The following KCNMB2 variants were observed in gnomAD, a reference collection of about 807,000 sequenced individuals.
The protein encoded by KCNMB2 is calcium-activated potassium channel subunit beta-2.
Under a neutral mutation model 24.5 loss-of-function variants are expected in KCNMB2, and 9 were observed. The ratio of observed to expected loss-of-function variants is 0.37; its 90% confidence interval spans 0.22 to 0.64. The LOEUF is 0.64. Among genes scored for constraint, KCNMB2 ranks in the 30% least tolerant of loss-of-function variants. The pLI, the probability that KCNMB2 is intolerant of heterozygous loss-of-function variation, is 0.63. For missense variants in KCNMB2, 226 were observed against 284.3 expected (o/e 0.79, Z 1.47); for synonymous variants, 109 against 104.4 (o/e 1.04, Z -0.27).
intron 1 of KCNMB2, among the ~76,000 whole-genome samples, chr3:178,603,232 A>G (rs2108509562): frequency 6.6e-6 from 1 of 152,314 alleles, no homozygotes; most frequent in East Asian, 1.9e-4. Flanking sequence ...AGAATGTAAT[A>G]ATCAAGTGTA....
At chr3:178,563,611 G>C (rs1325316555) in intron 1 of KCNMB2, among the ~76,000 whole-genome samples, 1 of 152,160 alleles carries the variant, frequency 6.6e-6, no homozygotes, top group Non-Finnish European at 1.5e-5. Flanking sequence ...ACTCATCCCT[G>C]CTTTGAGATG....
intron 1 of KCNMB2, among the ~76,000 whole-genome samples, chr3:178,669,160 T>C (rs1327698469): frequency 6.6e-6 from 1 of 152,080 alleles, no homozygotes; most frequent in Admixed American, 6.6e-5. Flanking sequence ...GTAAATCACA[T>C]GGGCTCATAG....
At chr3:178,667,519 C>T (rs536593009) in intron 1 of KCNMB2, among the ~76,000 whole-genome samples, 4 of 152,172 alleles carry the variant, frequency 2.6e-5, no homozygotes, top group East Asian at 1.9e-4. Flanking sequence ...CCTCTACAAC[C>T]GTGAGAAATC....
At chr3:178,726,997 C>T (rs969620996) in intron 1 of KCNMB2, among the ~76,000 whole-genome samples, 29 of 152,156 alleles carry the variant, frequency 1.9e-4, no homozygotes, top group African/African-American at 6.7e-4. Flanking sequence ...AACAAACAAA[C>T]AACAAACTCT....
intron 1 of KCNMB2, among the ~76,000 whole-genome samples, chr3:178,581,842 G>A (rs1185729773): frequency 2.6e-5 from 4 of 152,182 alleles, no homozygotes; most frequent in Admixed American, 6.5e-5. Context: ...AGTTAGAATG[G>A]CAATCATTAA....
chr3:178,674,868 A>G (rs1055881441), intron 1 of KCNMB2, among the ~76,000 whole-genome samples: 9 of 152,292 alleles, frequency 5.9e-5, no homozygotes, highest in African/African-American at 1.9e-4. Flanking sequence ...CAAACTGGAC[A>G]TTGTTCCAGA....
chr3:178,698,665 G>A lies in KCNMB2; in HGVS notation c.-67-108678G>A, dbSNP rs552195814. 1.3e-4 allele frequency among the ~76,000 whole-genome samples: 20 copies of A among 152,320 alleles called. 1 individual carries two copies. In the South Asian group the frequency reaches 4.1e-3, roughly 32 times the overall value. ...TCAGAACCCTTGCCAAAGCAGTGAT[G>A]CAGTTGTTTGGATGAAAGAAAGCAC... On this transcript the variant is annotated intron_variant, in intron 1 of 4. Transcript: ENST00000452583.
At chr3:178,583,598 A>G (rs1031804041) in intron 1 of KCNMB2, among the ~76,000 whole-genome samples, 3 of 152,180 alleles carry the variant, frequency 2.0e-5, no homozygotes, top group Admixed American at 1.3e-4. Flanking sequence ...AAGAAGATAG[A>G]ATTTAAAAGC....
At chr3:178,760,723 G>A (rs1711826306) in intron 1 of KCNMB2, among the ~76,000 whole-genome samples, 1 of 151,826 alleles carries the variant, frequency 6.6e-6, no homozygotes, top group African/African-American at 2.4e-5. Flanking sequence ...GTGTAGTGAG[G>A]AAAGGCTTTG....
intron 4 of KCNMB2, among the ~76,000 whole-genome samples, chr3:178,833,999 T>G (rs1292623967): frequency 3.3e-5 from 5 of 152,154 alleles, no homozygotes; most frequent in African/African-American, 1.2e-4. Context: ...TGTGAATACC[T>G]CAATGCCCAT....
chr3:178,669,772 T>C (rs1720837194), intron 1 of KCNMB2, among the ~76,000 whole-genome samples: 1 of 152,062 alleles, frequency 6.6e-6, no homozygotes, highest in Admixed American at 6.6e-5. Flanking sequence ...AACTTTTGGA[T>C]GTTTTGGAAA....
Position 178,843,140 on chromosome 3 carries a change from T to G in KCNMB2, c.*203T>G, listed in dbSNP as rs755780583. ...AGGAGAATAAATAACTGTTTTGTGT[T>G]GGTTGGTGGTTTTCATAATCTTATT... is the stretch of plus-strand genomic sequence containing the variant. On this transcript the variant is annotated 3_prime_UTR_variant, in exon 5 of 5. Transcript: ENST00000452583. The G allele has an allele frequency of 3.1e-6, 2 of 652,448 alleles. No homozygotes were observed. Among genetic ancestry groups the G allele is most frequent in the African/African-American group, 3.6e-5 (2 of 55,872 alleles). The allele number at this position is 652,448 out of a possible 1,614,324, so 40.4% of individuals were successfully genotyped here.
At chr3:178,574,022 A>T (rs1716903755) in intron 1 of KCNMB2, among the ~76,000 whole-genome samples, 1 of 152,176 alleles carries the variant, frequency 6.6e-6, no homozygotes, top group South Asian at 2.1e-4. Context: ...ACATTAAAGC[A>T]CTCTGTAAAT....
chr3:178,627,463 T>C (rs1719162568), intron 1 of KCNMB2, among the ~76,000 whole-genome samples: 1 of 152,204 alleles, frequency 6.6e-6, no homozygotes, highest in South Asian at 2.1e-4. Context: ...ACCCAGTTCT[T>C]TTTTGAAAGA....
rs569008519 is a variant in KCNMB2 at position 178,815,579 on chromosome 3, GT to G, written c.56+8115del. 3.1e-3 allele frequency among the ~76,000 whole-genome samples: 473 copies of G among 152,062 alleles called. 3 individuals carry two copies. The highest frequency in any genetic ancestry group is 0.011 in the African/African-American group (451 of 41,478). On this transcript the variant is annotated intron_variant, in intron 2 of 4. Coordinates refer to ENST00000452583, the MANE Select transcript of KCNMB2 (RefSeq NM_181361.3). ...AATCAGTAAATCATGAATAAAACAG[GT>G]AATAATGGACATCTTTACTTTTGTT...
intron 1 of KCNMB2, among the ~76,000 whole-genome samples, chr3:178,711,303 A>C (rs1044001777): frequency 6.6e-6 from 1 of 152,308 alleles, no homozygotes; most frequent in East Asian, 1.9e-4. Flanking sequence ...TCACAGTACA[A>C]GTAAAAACTC....
rs1308662288 is a variant in KCNMB2 at position 178,827,087 on chromosome 3, T to C, written c.228-1091T>C. On this transcript the variant is annotated intron_variant, in intron 3 of 4. Coordinates refer to ENST00000452583, the MANE Select transcript of KCNMB2 (RefSeq NM_181361.3). ...ATGCAAAGGGGTAGGAAGCTGTGGA[T>C]GCCTGTCCAACAAAAGGAAAGCGTA... Among the ~76,000 whole-genome samples the C allele has an allele frequency of 3.3e-5, 5 of 152,338 alleles. No homozygotes were observed. In the South Asian group the frequency reaches 8.3e-4, roughly 25 times the overall value.
chr3:178,704,857 G>A (rs553545105), intron 1 of KCNMB2, among the ~76,000 whole-genome samples: 2 of 152,020 alleles, frequency 1.3e-5, no homozygotes, highest in Non-Finnish European at 2.9e-5. Context: ...TGGTATATTT[G>A]AATGGCCAAG....
At chr3:178,808,705 C>T (rs76035325) in intron 2 of KCNMB2, among the ~76,000 whole-genome samples, 14,705 of 152,066 alleles carry the variant, frequency 0.097, 790 homozygotes, top group Middle Eastern at 0.16. Flanking sequence ...TACCACTTAG[C>T]ACTTTAAAAT....
Sources: gnomAD v4.1 joint callset for allele counts (sites outside exome capture counted in the v4.1 genomes callset) on GRCh38, gnomAD v4.1.1 for gene constraint, MANE v1.5 for transcripts, NCBI Gene and HGNC (gene_info 2026-07-23, HGNC 2026-07-21) for gene names.